BICRA: variants seen among roughly 807,000 people sequenced by gnomAD.
The protein encoded by BICRA is BRD4-interacting chromatin-remodeling complex-associated protein.
In BICRA, 31 loss-of-function variants were observed where a neutral mutation model predicts 96.9. The ratio of observed to expected loss-of-function variants is 0.32; its 90% confidence interval spans 0.24 to 0.43. The LOEUF (loss-of-function observed/expected upper bound fraction) is 0.43, where lower values mean the gene tolerates loss of function less well. Among genes scored for constraint, BICRA ranks in the 20% least tolerant of loss-of-function variants. The probability of loss-of-function intolerance (pLI) is 1.00; values close to 1 mark genes in which losing one functional copy is unlikely to be tolerated. For synonymous variants in BICRA, 1,350 were observed against 1,071.8 expected (o/e 1.26, Z -5.07); for missense variants, 2,283 against 2,190.3 (o/e 1.04, Z -0.84).
chr19:47,680,171 C>T lies in BICRA; in HGVS notation c.1001C>T (p.Ser334Leu), dbSNP rs1466032697. Residue 334 changes from serine (S) to leucine (L), a missense_variant, in exon 6 of 15, where the codon TCG becomes TTG. Ser to Leu is a moderately radical substitution (Grantham distance 145). Transcript: ENST00000594866. The stretch of plus-strand genomic sequence containing the variant: ...GCGGTGGCCCCAGGCCTCGGCTCGT[C>T]GCCACTGGTCCCGGCGCCCAACGTG... ...PLAVAPGLGS[S>L]PLVPAPNVIL... The T allele has an allele frequency of 2.0e-6, 3 of 1,536,936 alleles. No homozygotes were observed. Among genetic ancestry groups the T allele is most frequent in the African/African-American group, 1.4e-5 (1 of 72,008 alleles).
At chr19:47,691,877 A>C (rs1020891321) in intron 7 of BICRA, among the ~76,000 whole-genome samples, 2 of 152,238 alleles carry the variant, frequency 1.3e-5, no homozygotes, top group South Asian at 4.1e-4. Context: ...TTAATATTTT[A>C]GTATAATATT....
At chr19:47,628,820 C>G (rs1186766814) in intron 1 of BICRA, among the ~76,000 whole-genome samples, 1 of 152,024 alleles carries the variant, frequency 6.6e-6, no homozygotes, top group South Asian at 2.1e-4. Flanking sequence ...GTTGCCCAGG[C>G]TGGTCTCAAA....
chr19:47,689,396 G>C (rs956015148), intron 7 of BICRA, among the ~76,000 whole-genome samples: 4 of 151,298 alleles, frequency 2.6e-5, no homozygotes, highest in African/African-American at 9.7e-5. Flanking sequence ...GAGCCACTGA[G>C]CCTGGCCTAA....
chr19:47,614,424 C>T (rs1325369198), intron 1 of BICRA, among the ~76,000 whole-genome samples: 1 of 152,192 alleles, frequency 6.6e-6, no homozygotes, highest in East Asian at 1.9e-4. Context: ...CAAGACCAGC[C>T]TGGCCAACAT....
At chr19:47,636,940 C>G (rs567956623) in intron 1 of BICRA, among the ~76,000 whole-genome samples, 1 of 152,130 alleles carries the variant, frequency 6.6e-6, no homozygotes, top group East Asian at 1.9e-4. Context: ...AGTCTTACCC[C>G]AGGGCCTTTG....
chr19:47,646,758 C>G (rs1214767347), intron 1 of BICRA, among the ~76,000 whole-genome samples: 1 of 152,098 alleles, frequency 6.6e-6, no homozygotes, highest in Non-Finnish European at 1.5e-5. Flanking sequence ...AAGTAACACT[C>G]TCACACACAG....
At chr19:47,685,786 T>TGTGTGTGTGTGTGTGTGTGCGCGCGCGC in intron 7 of BICRA, among the ~76,000 whole-genome samples, 1 of 117,930 alleles carries the variant, frequency 8.5e-6, no homozygotes, top group African/African-American at 3.6e-5. Context: ...TGTGTGTGTG[T>TGTGTGTGTGTGTGTGTGTGCGCGCGCGC]GCGCGCGCGC....
intron 1 of BICRA, among the ~76,000 whole-genome samples, chr19:47,651,205 C>T (rs894374852): frequency 2.5e-4 from 38 of 152,170 alleles, no homozygotes; most frequent in Admixed American, 1.6e-3. Context: ...CTGCCCTGTC[C>T]GGAGCCCTCC....
At chr19:47,635,321 C>T (rs1972284649) in intron 1 of BICRA, among the ~76,000 whole-genome samples, 1 of 150,922 alleles carries the variant, frequency 6.6e-6, no homozygotes, top group South Asian at 2.1e-4. Context: ...GATCTTGGCT[C>T]ACTGCAACCT....
Position 47,679,902 on chromosome 19 carries a change from G to A in BICRA, c.732G>A (p.Ala244=), listed in dbSNP as rs1485356662. The change falls in exon 6 of 15, where the codon GCG becomes GCA. Residue 244 remains alanine, a synonymous_variant. Transcript: ENST00000594866. The part of the protein sequence containing the change: ...PIQVVGQPVM[A]LNTPTSQLLA... ...AGGTGGTGGGCCAGCCCGTCATGGCGCTCAACACGCCCACCTCCCAGCTCC... is the reference window on the plus strand; with the variant it reads ...AGGTGGTGGGCCAGCCCGTCATGGCACTCAACACGCCCACCTCCCAGCTCC... The A allele has an allele frequency of 8.5e-6, 13 of 1,521,544 alleles. No homozygotes were observed. Among genetic ancestry groups the A allele is most frequent in the Non-Finnish European group, 1.1e-5 (13 of 1,141,210 alleles). 94.3% of individuals were successfully genotyped at this position (1,521,544 alleles called of 1,614,324 possible).
In BICRA at chr19:47,701,129, C is replaced by T. The variant is rs1460727310; in HGVS notation, c.3596-199C>T. On this transcript the variant is annotated intron_variant, in intron 14 of 14. Transcript: ENST00000594866. The surrounding 1 kb of genome is among the most constrained non-coding windows in gnomAD (Gnocchi z 5.4). Reference sequence around the variant, plus strand: ...CCCCACGTGGCTCGTGGCGCTGTGCCAGGCACAGTGGTTTTAGAGTTGGGG... The same window carrying T: ...CCCCACGTGGCTCGTGGCGCTGTGCTAGGCACAGTGGTTTTAGAGTTGGGG... The T allele has an allele frequency of 1.3e-5, 8 of 593,402 alleles. No individual in the cohort carries two copies. Among genetic ancestry groups the T allele is most frequent in the Non-Finnish European group, 2.4e-5 (8 of 336,056 alleles). 36.8% of individuals were successfully genotyped at this position (593,402 alleles called of 1,614,324 possible).
chr19:47,694,699 GA>G lies in BICRA; in HGVS notation c.2870del (p.Lys957ArgfsTer89). ...CCCCCTTCCCAGCGCTGCCCCAGCC[GA>G]AGGCTCTTCTCGAGAGATTTCACCA... ...TTPFPALPQP[K>X]ALLERFHQVP... On this transcript the variant is annotated frameshift_variant, in exon 8 of 15. Transcript: ENST00000594866. LOFTEE classifies it high-confidence loss of function. 6.4e-7 allele frequency: 1 copy of G among 1,564,722 alleles called. No individual in the cohort carries two copies. The highest frequency in any genetic ancestry group is 8.7e-7 in the Non-Finnish European group (1 of 1,148,758).
chr19:47,694,088 T>G, intron 7 of BICRA, 27 bp from the exon 8 acceptor site: 20 of 581,700 alleles, frequency 3.4e-5, no homozygotes, highest in East Asian at 8.9e-5. Context: ...CCCCCGCCCC[T>G]CCCCTCTCCC....
intron 1 of BICRA, among the ~76,000 whole-genome samples, chr19:47,609,936 A>C (rs1971874075): frequency 6.8e-6 from 1 of 146,316 alleles, no homozygotes; most frequent in African/African-American, 2.6e-5. Flanking sequence ...CCCCCAGCTG[A>C]GGCTCATCCC....
chr19:47,609,376 C>CTT (rs774981061), intron 1 of BICRA, among the ~76,000 whole-genome samples: 19 of 27,624 alleles, frequency 6.9e-4, no homozygotes, highest in African/African-American at 3.1e-3. Context: ...CCGCTGCCTC[C>CTT]TTTTTTTTTT....
intron 1 of BICRA, among the ~76,000 whole-genome samples, chr19:47,647,473 GT>G (rs1195499549): frequency 6.6e-6 from 1 of 152,146 alleles, no homozygotes; most frequent in Non-Finnish European, 1.5e-5. Flanking sequence ...GATCTGGGTT[GT>G]TTCAGTTTAG....
intron 7 of BICRA, among the ~76,000 whole-genome samples, chr19:47,691,951 C>G (rs995605853): frequency 4.6e-5 from 7 of 152,178 alleles, no homozygotes; most frequent in African/African-American, 1.7e-4. Context: ...ATAAAGCAGA[C>G]AGCATTGACA....
At position 47,701,105 on chromosome 19, in the gene BICRA, C is replaced by T; in HGVS notation, c.3596-223C>T. 3.5e-6 allele frequency: 2 copies of T among 574,998 alleles called. No homozygotes were observed. The highest frequency in any genetic ancestry group is 6.7e-5 in the Admixed American group (2 of 30,030). 35.6% of individuals were successfully genotyped at this position (574,998 alleles called of 1,614,324 possible). On this transcript the variant is annotated intron_variant, in intron 14 of 14. Coordinates refer to ENST00000594866, the MANE Select transcript of BICRA (RefSeq NM_001394372.1). This position sits in a 1 kb window ranked among gnomAD's most constrained non-coding sequence, Gnocchi z 5.4. ...TTAATTTACTTATGTCTGAATGAGC[C>T]CCACGTGGCTCGTGGCGCTGTGCCA...
intron 1 of BICRA, among the ~76,000 whole-genome samples, chr19:47,618,322 G>A (rs924120694): frequency 1.3e-5 from 2 of 152,156 alleles, no homozygotes; most frequent in African/African-American, 4.8e-5. Flanking sequence ...CTGTGACTTG[G>A]TGGCAAGCTA....
Sources: allele counts gnomAD v4.1 joint callset (sites outside exome capture counted in the v4.1 genomes callset), GRCh38; gene constraint gnomAD v4.1.1; non-coding constraint Gnocchi (gnomAD v3.1); transcripts MANE v1.5; gene names NCBI Gene and HGNC (gene_info 2026-07-23, HGNC 2026-07-21).